LRRTM4: variants seen among roughly 807,000 people sequenced by gnomAD.
The protein encoded by LRRTM4 is leucine-rich repeat transmembrane neuronal protein 4.
LRRTM4 carries 25 observed loss-of-function variants against 47.6 expected under a neutral mutation model. The observed-to-expected ratio is 0.53, with a 90% confidence interval of 0.38 to 0.73. LRRTM4 has a LOEUF of 0.73. Among genes scored for constraint, LRRTM4 ranks in the 30% least tolerant of loss-of-function variants. The pLI is 0.00. For synonymous variants in LRRTM4, 311 were observed against 269.5 expected, an observed-to-expected ratio of 1.15 and a Z score of -1.51; for missense variants, 638 against 713.4, an observed-to-expected ratio of 0.89 and a Z score of 1.20.
chr2:77,141,477 G>T (rs546942486), intron 3 of LRRTM4, among the ~76,000 whole-genome samples: 2 of 140,214 alleles, frequency 1.4e-5, no homozygotes, highest in South Asian at 2.7e-4. Flanking sequence ...GTCATGGGGT[G>T]GGGGGAGGGT....
At chr2:77,081,768 A>C (rs1486050782) in intron 3 of LRRTM4, among the ~76,000 whole-genome samples, 1 of 152,182 alleles carries the variant, frequency 6.6e-6, no homozygotes, top group Non-Finnish European at 1.5e-5. Flanking sequence ...GCACACTGAA[A>C]AACTGTTTAA....
chr2:77,497,333 C>T (rs1678401440), intron 3 of LRRTM4, among the ~76,000 whole-genome samples: 1 of 149,512 alleles, frequency 6.7e-6, no homozygotes, highest in African/African-American at 2.4e-5. Context: ...TATTTTTCTG[C>T]TTACTTTGTG....
At chr2:76,801,520 G>T (rs1389777747) in intron 3 of LRRTM4, among the ~76,000 whole-genome samples, 4 of 152,068 alleles carry the variant, frequency 2.6e-5, no homozygotes, top group African/African-American at 4.8e-5. Context: ...GTTGTGGTGT[G>T]GGGGGAGGGG....
At chr2:76,779,877 C>T (rs1270251247) in intron 3 of LRRTM4, among the ~76,000 whole-genome samples, 1 of 152,004 alleles carries the variant, frequency 6.6e-6, no homozygotes, top group African/African-American at 2.4e-5. Context: ...TACATTTTGG[C>T]ATGATTTTGC....
At chr2:77,423,988 AT>A (rs554198178) in intron 3 of LRRTM4, among the ~76,000 whole-genome samples, 3 of 152,194 alleles carry the variant, frequency 2.0e-5, no homozygotes, top group East Asian at 1.9e-4. Flanking sequence ...AATTAGAATA[AT>A]TTTTTATCTT....
chr2:77,407,760 T>TTA (rs1674272255), intron 3 of LRRTM4, among the ~76,000 whole-genome samples: 1 of 144,964 alleles, frequency 6.9e-6, no homozygotes, highest in Non-Finnish European at 1.5e-5. Flanking sequence ...TATTATGATA[T>TTA]TATATATATG....
intron 3 of LRRTM4, among the ~76,000 whole-genome samples, chr2:77,163,884 G>T (rs1246911375): frequency 6.6e-6 from 1 of 152,106 alleles, no homozygotes; most frequent in South Asian, 2.1e-4. Flanking sequence ...TTCAATGCTA[G>T]GAAGAAACTG....
chr2:77,275,084 G>GA (rs1349305294), intron 3 of LRRTM4, among the ~76,000 whole-genome samples: 1 of 152,022 alleles, frequency 6.6e-6, no homozygotes, highest in Non-Finnish European at 1.5e-5. Flanking sequence ...AGACATAAGA[G>GA]AAAAAATGGT....
At chr2:77,060,395 T>C (rs182816538) in intron 3 of LRRTM4, among the ~76,000 whole-genome samples, 2 of 152,178 alleles carry the variant, frequency 1.3e-5, no homozygotes. Flanking sequence ...AGATTAAATG[T>C]CCTCAGAAAA....
At chr2:77,007,453 T>C (rs1487339801) in intron 3 of LRRTM4, among the ~76,000 whole-genome samples, 2 of 152,146 alleles carry the variant, frequency 1.3e-5, no homozygotes, top group African/African-American at 2.4e-5. Flanking sequence ...TTCATTCCCA[T>C]GTGAAAGAAT....
At chr2:76,977,208 C>A (rs1307947856) in intron 3 of LRRTM4, among the ~76,000 whole-genome samples, 2 of 151,482 alleles carry the variant, frequency 1.3e-5, no homozygotes, top group African/African-American at 4.8e-5. Flanking sequence ...ATGACATCAG[C>A]AACCATCCTT....
chr2:77,376,463 C>G (rs1672845085), intron 3 of LRRTM4, among the ~76,000 whole-genome samples: 1 of 150,696 alleles, frequency 6.6e-6, no homozygotes. Flanking sequence ...CAATACCATC[C>G]TAGATACCAC....
chr2:76,909,195 C>G (rs887007854), intron 3 of LRRTM4, among the ~76,000 whole-genome samples: 1 of 152,146 alleles, frequency 6.6e-6, no homozygotes, highest in East Asian at 1.9e-4. Context: ...TGCTGCTTAT[C>G]TACAACTATC....
chr2:77,180,785 C>T (rs1673326082), intron 3 of LRRTM4, among the ~76,000 whole-genome samples: 2 of 152,064 alleles, frequency 1.3e-5, no homozygotes, highest in South Asian at 4.1e-4. Flanking sequence ...AGAGATACCA[C>T]AAAAACATTT....
At chr2:76,765,148 T>C (rs1382855073) in intron 3 of LRRTM4, among the ~76,000 whole-genome samples, 1 of 152,234 alleles carries the variant, frequency 6.6e-6, no homozygotes, top group Non-Finnish European at 1.5e-5. Context: ...CATCACAACT[T>C]CCTTTCTTTC....
At chr2:76,823,380 G>A (rs1671105642) in intron 3 of LRRTM4, among the ~76,000 whole-genome samples, 1 of 151,376 alleles carries the variant, frequency 6.6e-6, no homozygotes, top group African/African-American at 2.4e-5. Context: ...CATACAATGA[G>A]ACAAACCTTT....
intron 3 of LRRTM4, among the ~76,000 whole-genome samples, chr2:76,826,553 A>G (rs1033785526): frequency 2.0e-5 from 3 of 151,708 alleles, no homozygotes; most frequent in Non-Finnish European, 2.9e-5. Flanking sequence ...ATATATATGC[A>G]AAGAGTGGAT....
At chr2:77,319,833 C>T (rs1677734733) in intron 3 of LRRTM4, among the ~76,000 whole-genome samples, 1 of 152,138 alleles carries the variant, frequency 6.6e-6, no homozygotes, top group Non-Finnish European at 1.5e-5. Context: ...TGTTATTTTT[C>T]CCCAAAGGTG....
intron 3 of LRRTM4, among the ~76,000 whole-genome samples, chr2:77,440,969 CAT>C (rs1219726671): frequency 6.6e-6 from 1 of 152,204 alleles, no homozygotes; most frequent in Non-Finnish European, 1.5e-5. Flanking sequence ...TGCAATTGCA[CAT>C]GTTGTAGCTA....
Sources: allele counts gnomAD v4.1 joint callset (sites outside exome capture counted in the v4.1 genomes callset), GRCh38; gene constraint gnomAD v4.1.1; transcripts MANE v1.5; gene names NCBI Gene and HGNC (gene_info 2026-07-23, HGNC 2026-07-21).